Variants in FHIP2B observed in about 807,000 individuals in gnomAD.
FHIP2B encodes FHF complex subunit HOOK-interacting protein 2B.
In FHIP2B, 72 loss-of-function variants were observed where a neutral mutation model predicts 84.0. That is an observed-to-expected ratio of 0.86 (90% CI 0.71 to 1.04). The LOEUF (loss-of-function observed/expected upper bound fraction) is 1.04, where lower values mean the gene tolerates loss of function less well. Among genes scored for constraint, FHIP2B ranks in the 50% least tolerant of loss-of-function variants. The pLI is 0.00. For missense variants in FHIP2B, 972 were observed against 968.9 expected (o/e 1.00, Z -0.04); for synonymous variants, 497 against 418.7 (o/e 1.19, Z -2.28).
intron 12 of FHIP2B, 125 bp downstream of exon 12, chr8:22,101,097 C>A: frequency 7.9e-7 from 1 of 1,265,622 alleles, no homozygotes; most frequent in Non-Finnish European, 1.1e-6. Flanking sequence ...CTCACTGCAA[C>A]CTCCACCTCC....
intron 1 of FHIP2B, among the ~76,000 whole-genome samples, chr8:22,090,133 TGGGGGTATTCCCGGTAGGGTGGG>T (rs1336036667): frequency 1.7e-5 from 1 of 57,728 alleles, no homozygotes; most frequent in Non-Finnish European, 3.1e-5. Flanking sequence ...GTAGGAAGGG[TGGGGGTATTCCCGGTAGGGTGGG>T]GGGGGTGCCC....
chr8:22,097,190 G>C (rs961004403), intron 3 of FHIP2B: 4 of 407,912 alleles, frequency 9.8e-6, no homozygotes, highest in African/African-American at 6.0e-5. Context: ...GAACAACGTG[G>C]CAAGGGAAGC....
At position 22,102,190 on chromosome 8, in the gene FHIP2B, C is replaced by A; in HGVS notation, c.1867C>A (p.Leu623Met). ...RILDQPYSLN[L>M]QVTSVLSRLA... ...GTTCCTACAGCCATACAGCCTGAAC[C>A]TGCAGGTGACCTCGGTCCTGTCCCG... The change falls in exon 15 of 17, where the codon CTG becomes ATG. Residue 623 changes from leucine to methionine, a missense_variant. Coordinates refer to ENST00000289921, the MANE Select transcript of FHIP2B (RefSeq NM_022749.7). The A allele has an allele frequency of 6.2e-7, 1 of 1,613,570 alleles. No individual in the cohort carries two copies. Among genetic ancestry groups the A allele is most frequent in the Non-Finnish European group, 8.5e-7 (1 of 1,179,878 alleles).
intron 1 of FHIP2B, among the ~76,000 whole-genome samples, chr8:22,093,738 A>C (rs1305111958): frequency 1.1e-4 from 1 of 9,520 alleles, no homozygotes; most frequent in Non-Finnish European, 1.7e-4. Context: ...TTTTTTTGAG[A>C]TAGGGTCTCA....
chr8:22,100,799 T>G, intron 11 of FHIP2B, 45 bp from the exon 12 acceptor site: 1 of 1,612,892 alleles, frequency 6.2e-7, no homozygotes, highest in Non-Finnish European at 8.5e-7. Flanking sequence ...ACGCTCACTC[T>G]GTCCATTCAT....
intron 1 of FHIP2B, chr8:22,089,964 G>A: frequency 1.5e-6 from 1 of 646,200 alleles, no homozygotes. Flanking sequence ...TTGAGTTAGG[G>A]ACATGCCGCC....
chr8:22,098,533 C>A lies in FHIP2B; in HGVS notation c.879C>A (p.Ile293=), dbSNP rs781375678. 3 of 1,612,916 alleles carry A rather than the reference C, an allele frequency of 1.9e-6. No individual in the cohort carries two copies. Among genetic ancestry groups the A allele is most frequent in the East Asian group, 2.2e-5 (1 of 44,854 alleles). ...LVQSSACCPA[I]VRHLCQLYRS... is the part of the protein sequence containing the mutation. ...AGAGCAGCGCCTGCTGCCCTGCGAT[C>A]GTCCGGCACCTTTGCCAGTTGTACC... The change falls in exon 7 of 17, where the codon ATC becomes ATA. Residue 293 remains isoleucine, a synonymous_variant. Transcript: ENST00000289921.
intron 2 of FHIP2B, 200 bp downstream of exon 2, chr8:22,094,718 C>T (rs779985385): frequency 3.5e-5 from 48 of 1,381,268 alleles, no homozygotes; most frequent in African/African-American, 4.6e-5. Flanking sequence ...ATTTAGCTGC[C>T]GGTCCCACTC....
intron 10 of FHIP2B, 34 bp from the exon 11 acceptor site, chr8:22,100,560 A>G: frequency 6.0e-6 from 9 of 1,497,572 alleles, no homozygotes; most frequent in Non-Finnish European, 8.0e-6. Flanking sequence ...TGGGTGGGGA[A>G]GGGGCTATCC....
chr8:22,100,928 T>G lies in FHIP2B; in HGVS notation c.1572T>G (p.Ala524=). 6.2e-7 allele frequency: 1 copy of G among 1,613,974 alleles called. No homozygotes were observed. Among genetic ancestry groups the G allele is most frequent in the South Asian group, 1.1e-5 (1 of 91,084 alleles). ...CCGCAAAGCCTCGCCTAGCTCCTGC[T>G]ACCAGTTACGATGGCAAAACAGCAG... The part of the protein sequence containing the change: ...QTPAKPRLAP[A]TSYDGKTAVT... The change falls in exon 12 of 17, where the codon GCT becomes GCG. Residue 524 remains alanine (A), a synonymous_variant. Coordinates refer to ENST00000289921, the MANE Select transcript of FHIP2B (RefSeq NM_022749.7).
intron 13 of FHIP2B, 66 bp downstream of exon 13, chr8:22,101,596 G>A (rs904997513): frequency 1.3e-6 from 2 of 1,565,576 alleles, no homozygotes; most frequent in East Asian, 4.7e-5. Context: ...TAAGCTCTGG[G>A]TTCCGCCTCT....
Position 22,093,708 on chromosome 8 carries a change from C to CTTTTTTTTTTTTTTTTT in FHIP2B, c.46-722_46-706dup, listed in dbSNP as rs59841460. On this transcript the variant is annotated intron_variant, in intron 1 of 16. Coordinates refer to ENST00000289921, the MANE Select transcript of FHIP2B (RefSeq NM_022749.7). The stretch of plus-strand genomic sequence containing the variant: ...ATTGAGAGGAATGGAAAAGCTTTGT[C>CTTTTTTTTTTTTTTTTT]TTTTTTTTTTTTTTTTTTTTTTTTT... 1.4e-4 allele frequency among the ~76,000 whole-genome samples: 9 copies of CTTTTTTTTTTTTTTTTT among 66,456 alleles called. 2 individuals carry two copies. Among genetic ancestry groups the CTTTTTTTTTTTTTTTTT allele is most frequent in the African/African-American group, 2.5e-4 (4 of 15,822 alleles). The allele number at this position is 66,456 out of a possible 152,430, so 43.6% of individuals were successfully genotyped here.
rs921689351 is a variant in FHIP2B at position 22,089,233 on chromosome 8, A to AGCCGGGG, written c.-14_-8dup. The AGCCGGGG allele has an allele frequency of 2.7e-5, 29 of 1,059,016 alleles. No homozygotes were observed. Among genetic ancestry groups the AGCCGGGG allele is most frequent in the Non-Finnish European group, 3.1e-5 (27 of 879,100 alleles). 65.6% of individuals were successfully genotyped at this position (1,059,016 alleles called of 1,614,324 possible). A position where few individuals can be genotyped will look rare whatever the true frequency, so the allele number is the denominator to read the frequency against. ...GCTGCCGCCGCCGCTTTCGCCCGGG[A>AGCCGGGG]GCCGGGGGCCGGGCGCCATCATGCT... On this transcript the variant is annotated 5_prime_UTR_variant, in exon 1 of 17. Coordinates refer to ENST00000289921, the MANE Select transcript of FHIP2B (RefSeq NM_022749.7).
At chr8:22,089,328 C>T (rs1825336515) in intron 1 of FHIP2B, 30 bp downstream of exon 1, 1 of 994,268 alleles carries the variant, frequency 1.0e-6, no homozygotes, top group South Asian at 4.5e-5. Flanking sequence ...GCCGGGCCGC[C>T]GGGAGTCGCG....
Position 22,098,543 on chromosome 8 carries a change from C to G in FHIP2B, c.889C>G (p.Leu297Val), listed in dbSNP as rs200199022. The G allele has an allele frequency of 1.2e-6, 2 of 1,612,558 alleles. No individual in the cohort carries two copies. The highest frequency in any genetic ancestry group is 1.1e-5 in the South Asian group (1 of 90,928). ...SACCPAIVRH[L>V]CQLYRSMPVF... ...CTGCTGCCCTGCGATCGTCCGGCAC[C>G]TTTGCCAGTTGTACCGGTCCATGCC... The change falls in exon 7 of 17, where the codon CTT becomes GTT. Residue 297 changes from leucine to valine, a missense_variant. Leu to Val is a conservative substitution (Grantham distance 32, BLOSUM62 1). Transcript: ENST00000289921.
intron 1 of FHIP2B, among the ~76,000 whole-genome samples, chr8:22,092,323 T>C (rs1161028114): frequency 6.6e-6 from 1 of 152,210 alleles, no homozygotes; most frequent in Non-Finnish European, 1.5e-5. Context: ...CTCATGCCTG[T>C]AATCCCAGCA....
chr8:22,101,108 C>A, intron 12 of FHIP2B, 136 bp downstream of exon 12: 1 of 1,204,448 alleles, frequency 8.3e-7, no homozygotes, highest in Non-Finnish European at 1.1e-6. Context: ...CTCCACCTCC[C>A]GGGTTCCGGA....
rs922265876 is a variant in FHIP2B, at chr8:22,104,358, A to T, written c.*1427A>T. On this transcript the variant is annotated 3_prime_UTR_variant, in exon 17 of 17. Transcript: ENST00000289921. ...CGGTGTCTTCCCCGGACAGCACAGC[A>T]ATAAATGGTGTGATTGCGTGGACAC... is the stretch of plus-strand genomic sequence containing the variant. 5 of 152,530 alleles carry T rather than the reference A, an allele frequency of 3.3e-5. No homozygotes were observed. Among genetic ancestry groups the T allele is most frequent in the African/African-American group, 1.2e-4 (5 of 41,444 alleles). The allele number at this position is 152,530 out of a possible 1,614,324, so 9.4% of individuals were successfully genotyped here. A position where few individuals can be genotyped will look rare whatever the true frequency, so the allele number is the denominator to read the frequency against.
At chr8:22,102,408 T>TGGTGGGGG in intron 15 of FHIP2B, 93 bp downstream of exon 15, 3 of 630,768 alleles carry the variant, frequency 4.8e-6, no homozygotes, top group Non-Finnish European at 5.3e-6. Context: ...GCTGGAGGGG[T>TGGTGGGGG]GGGCACCCTT....
Sources: allele counts gnomAD v4.1 joint callset (sites outside exome capture counted in the v4.1 genomes callset), GRCh38; gene constraint gnomAD v4.1.1; transcripts MANE v1.5; gene names NCBI Gene and HGNC (gene_info 2026-07-23, HGNC 2026-07-21).